CSMD3: variants seen among roughly 807,000 people sequenced by gnomAD.
CSMD3 encodes CUB and Sushi multiple domains 3, also known as CUB and sushi domain-containing protein 3.
Under a neutral mutation model 435.2 loss-of-function variants are expected in CSMD3, and 177 were observed. The observed-to-expected ratio is 0.41, with a 90% CI of 0.36 to 0.46. CSMD3 has a LOEUF of 0.46. Ranked by LOEUF, CSMD3 falls within the 20% of genes least tolerant of loss-of-function variation. The pLI, the probability that CSMD3 is intolerant of heterozygous loss-of-function variation, is 0.34. For synonymous variants in CSMD3, 1,656 were observed against 1,520.5 expected, an observed-to-expected ratio of 1.09 and a Z score of -2.07; for missense variants, 4,265 against 4,504.6, an observed-to-expected ratio of 0.95 and a Z score of 1.52.
intron 13 of CSMD3, among the ~76,000 whole-genome samples, chr8:112,742,763 A>G (rs1045101478): frequency 2.6e-5 from 4 of 151,974 alleles, no homozygotes; most frequent in African/African-American, 9.7e-5. Flanking sequence ...GTATTTTATT[A>G]CCATATATCC....
At chr8:113,130,818 G>A (rs1384085600) in intron 4 of CSMD3, among the ~76,000 whole-genome samples, 7 of 152,144 alleles carry the variant, frequency 4.6e-5, no homozygotes, top group Non-Finnish European at 8.8e-5. Context: ...AATGCTGATA[G>A]TGATATGGAC....
intron 10 of CSMD3, among the ~76,000 whole-genome samples, chr8:112,911,180 CTG>C (rs765481118): frequency 1.3e-5 from 2 of 151,882 alleles, no homozygotes; most frequent in Non-Finnish European, 2.9e-5. Flanking sequence ...AGTCTTCAAA[CTG>C]GATACAATTC....
At chr8:112,721,304 G>C (rs1381268816) in intron 13 of CSMD3, among the ~76,000 whole-genome samples, 1 of 152,122 alleles carries the variant, frequency 6.6e-6, no homozygotes, top group African/African-American at 2.4e-5. Context: ...GCCGGGCATG[G>C]TGGCTCATTC....
At chr8:112,884,486 G>A (rs971335179) in intron 10 of CSMD3, among the ~76,000 whole-genome samples, 1 of 151,754 alleles carries the variant, frequency 6.6e-6, no homozygotes, top group African/African-American at 2.4e-5. Flanking sequence ...ATAGAGGGAT[G>A]TCTTGTGCAT....
At chr8:112,891,894 C>T (rs999625733) in intron 10 of CSMD3, among the ~76,000 whole-genome samples, 5 of 151,138 alleles carry the variant, frequency 3.3e-5, no homozygotes, top group Non-Finnish European at 5.9e-5. Flanking sequence ...TTAAGGTGAG[C>T]CTGTGTGCAC....
intron 1 of CSMD3, among the ~76,000 whole-genome samples, chr8:113,336,686 G>A (rs1317495521): frequency 6.6e-6 from 1 of 152,000 alleles, no homozygotes; most frequent in Admixed American, 6.6e-5. Context: ...TCACATTGTT[G>A]TAATTGGGTG....
At chr8:112,448,273 C>T (rs138283254) in intron 32 of CSMD3, among the ~76,000 whole-genome samples, 1 of 152,264 alleles carries the variant, frequency 6.6e-6, no homozygotes, top group East Asian at 1.9e-4. Flanking sequence ...CAGGGCCCCA[C>T]CTTTATGGCC....
chr8:112,818,107 A>T (rs1184324303), intron 12 of CSMD3, among the ~76,000 whole-genome samples: 1 of 151,824 alleles, frequency 6.6e-6, no homozygotes, highest in African/African-American at 2.4e-5. Context: ...TTTTTTATGG[A>T]ATAGAATAAG....
intron 70 of CSMD3, among the ~76,000 whole-genome samples, chr8:112,228,037 G>A (rs539614854): frequency 1.3e-5 from 2 of 152,008 alleles, no homozygotes; most frequent in South Asian, 2.1e-4. Flanking sequence ...GCAAGACTCC[G>A]TCTCAAAAAA....
At chr8:112,508,554 G>A (rs144917058) in intron 28 of CSMD3, among the ~76,000 whole-genome samples, 8 of 152,210 alleles carry the variant, frequency 5.3e-5, no homozygotes, top group African/African-American at 1.4e-4. Flanking sequence ...GAATAGGTTG[G>A]ATTCAGAGCA....
chr8:113,108,769 T>G (rs2090555494), intron 4 of CSMD3, among the ~76,000 whole-genome samples: 1 of 152,154 alleles, frequency 6.6e-6, no homozygotes, highest in South Asian at 2.1e-4. Flanking sequence ...CACTAAGACA[T>G]GAAAAAGCTG....
At chr8:112,683,061 TAGAG>T (rs1356298472) in intron 15 of CSMD3, among the ~76,000 whole-genome samples, 2 of 151,884 alleles carry the variant, frequency 1.3e-5, no homozygotes, top group African/African-American at 2.4e-5. Flanking sequence ...CAACTGGAAA[TAGAG>T]AGAGTGAGTC....
chr8:112,339,391 G>A (rs935822568), intron 42 of CSMD3, among the ~76,000 whole-genome samples: 3 of 152,042 alleles, frequency 2.0e-5, no homozygotes, highest in African/African-American at 7.2e-5. Context: ...GCATGAAGTG[G>A]CCAATGGGAA....
At chr8:113,403,890 G>C (rs529190776) in intron 1 of CSMD3, among the ~76,000 whole-genome samples, 3 of 151,338 alleles carry the variant, frequency 2.0e-5, no homozygotes, top group Non-Finnish European at 4.4e-5. Flanking sequence ...TGGCCAAATC[G>C]TATTTTATGA....
chr8:113,255,833 GTAAT>G (rs2093375469), intron 3 of CSMD3, among the ~76,000 whole-genome samples: 1 of 151,502 alleles, frequency 6.6e-6, no homozygotes, highest in African/African-American at 2.4e-5. Context: ...ATAATATATA[GTAAT>G]TAGTTTATAA....
At chr8:112,549,874 G>C (rs1279085492) in intron 27 of CSMD3, among the ~76,000 whole-genome samples, 1 of 151,874 alleles carries the variant, frequency 6.6e-6, no homozygotes, top group Non-Finnish European at 1.5e-5. Flanking sequence ...GAAGAGTACT[G>C]GTTTTCACTC....
chr8:112,780,773 A>G (rs1386187520), intron 13 of CSMD3, among the ~76,000 whole-genome samples: 1 of 152,054 alleles, frequency 6.6e-6, no homozygotes, highest in African/African-American at 2.4e-5. Flanking sequence ...CATTTAGACC[A>G]ATCCTGGCCA....
chr8:112,236,034 C>T (rs769677715), intron 67 of CSMD3, among the ~76,000 whole-genome samples: 2 of 151,656 alleles, frequency 1.3e-5, no homozygotes, highest in African/African-American at 2.4e-5. Flanking sequence ...AAGTTTCTTT[C>T]GATTAATATA....
In CSMD3 at chr8:112,671,594, A is replaced by G. The variant is rs564876519; in HGVS notation, c.2678-5179T>C. Among the ~76,000 whole-genome samples, 13 of 152,230 alleles carry G rather than the reference A, an allele frequency of 8.5e-5. No homozygotes were observed. In the East Asian group the frequency reaches 2.5e-3, roughly 29 times the overall value. ...TCTTGCTTGCCTGTTTAACTCTGAC[A>G]GAGAAATTTTTCTTTGACACACAGA... On this transcript the variant is annotated intron_variant, in intron 16 of 70. Transcript: ENST00000297405.
Sources: allele counts gnomAD v4.1 joint callset (sites outside exome capture counted in the v4.1 genomes callset), GRCh38; gene constraint gnomAD v4.1.1; transcripts MANE v1.5; gene names NCBI Gene and HGNC (gene_info 2026-07-23, HGNC 2026-07-21).